The following CATSPERB variants were observed in gnomAD, a reference collection of about 807,000 sequenced individuals.
The protein encoded by CATSPERB is cation channel sperm-associated auxiliary subunit beta.
A neutral mutation model predicts 128.3 loss-of-function variants in CATSPERB; 93 were observed. The ratio of observed to expected loss-of-function variants is 0.72; its 90% CI spans 0.61 to 0.86. CATSPERB has a LOEUF of 0.86. CATSPERB is among the 40% of genes least tolerant of loss of function. CATSPERB has a pLI of 0.00. For synonymous variants in CATSPERB, 381 were observed against 448.8 expected, an observed-to-expected ratio of 0.85 and a Z score of 1.91; for missense variants, 1,153 against 1,329.5, an observed-to-expected ratio of 0.87 and a Z score of 2.06.
At chr14:91,694,915 C>T (rs1289203540) in intron 7 of CATSPERB, among the ~76,000 whole-genome samples, 1 of 152,124 alleles carries the variant, frequency 6.6e-6, no homozygotes, top group Non-Finnish European at 1.5e-5. Flanking sequence ...GGAACCTTGG[C>T]AATCTAACGC....
intron 22 of CATSPERB, among the ~76,000 whole-genome samples, chr14:91,594,314 C>T (rs1458404423): frequency 6.6e-6 from 1 of 151,774 alleles, no homozygotes; most frequent in Non-Finnish European, 1.5e-5. Flanking sequence ...ACATCACACA[C>T]CAGGGACTGT....
chr14:91,670,335 C>T (rs11629313), intron 13 of CATSPERB, among the ~76,000 whole-genome samples: 2,333 of 152,244 alleles, frequency 0.015, 23 homozygotes, highest in Non-Finnish European at 0.022. Flanking sequence ...TTCTATTCAA[C>T]CATTATTTTA....
chr14:91,726,860 T>A (rs1896127494), intron 2 of CATSPERB, among the ~76,000 whole-genome samples: 1 of 152,046 alleles, frequency 6.6e-6, no homozygotes. Context: ...CACTTCTCCC[T>A]CCCTTTCTAC....
intron 7 of CATSPERB, among the ~76,000 whole-genome samples, chr14:91,701,685 G>T (rs990194053): frequency 1.3e-5 from 2 of 152,136 alleles, no homozygotes; most frequent in Non-Finnish European, 2.9e-5. Context: ...ACATGGGGCT[G>T]CTGCATAGCT....
intron 14 of CATSPERB, among the ~76,000 whole-genome samples, chr14:91,661,237 T>A (rs1894875897): frequency 6.6e-6 from 1 of 152,162 alleles, no homozygotes; most frequent in African/African-American, 2.4e-5. Flanking sequence ...TGTTTTTCTA[T>A]AAGTTACATT....
chr14:91,653,511 T>C (rs1894742317), intron 15 of CATSPERB, among the ~76,000 whole-genome samples: 1 of 152,050 alleles, frequency 6.6e-6, no homozygotes, highest in East Asian at 1.9e-4. Flanking sequence ...GACATTTAAT[T>C]AGACTTACAG....
intron 11 of CATSPERB, among the ~76,000 whole-genome samples, chr14:91,677,283 G>A (rs1895206711): frequency 8.0e-6 from 1 of 125,274 alleles, no homozygotes; most frequent in Admixed American, 7.9e-5. Context: ...AGAGGGAACA[G>A]GCAACCTACG....
intron 14 of CATSPERB, among the ~76,000 whole-genome samples, chr14:91,664,690 A>G (rs1425207822): frequency 1.3e-5 from 2 of 152,152 alleles, no homozygotes; most frequent in Non-Finnish European, 2.9e-5. Flanking sequence ...CAACTGGACC[A>G]TTTTGTAAGC....
At chr14:91,605,285 G>C in intron 22 of CATSPERB, 1 of 1,048,362 alleles carries the variant, frequency 9.5e-7, no homozygotes. Flanking sequence ...GTTGGAGCAA[G>C]GCAGGCTTTG....
At chr14:91,649,331 A>ATGTGTG (rs55880138) in intron 15 of CATSPERB, among the ~76,000 whole-genome samples, 3 of 147,456 alleles carry the variant, frequency 2.0e-5, no homozygotes, top group African/African-American at 7.4e-5. Flanking sequence ...GTATACATAT[A>ATGTGTG]TGTGTGTGTG....
At chr14:91,690,117 C>T (rs563623082) in intron 10 of CATSPERB, among the ~76,000 whole-genome samples, 1 of 152,120 alleles carries the variant, frequency 6.6e-6, no homozygotes, top group African/African-American at 2.4e-5. Context: ...CTCAGCCTCC[C>T]GAGTAGCTGG....
chr14:91,658,469 T>C (rs1370142803), intron 15 of CATSPERB, among the ~76,000 whole-genome samples: 1 of 151,738 alleles, frequency 6.6e-6, no homozygotes, highest in Non-Finnish European at 1.5e-5. Context: ...GAATAAGATC[T>C]AGTATTTGAC....
chr14:91,687,010 G>C (rs750782189), intron 10 of CATSPERB, among the ~76,000 whole-genome samples: 1 of 151,828 alleles, frequency 6.6e-6, no homozygotes, highest in Non-Finnish European at 1.5e-5. Flanking sequence ...GATAAGTGAA[G>C]AAAATAATTT....
rs113559339 is a variant in CATSPERB at position 91,693,581 on chromosome 14, A to T, written c.617-102T>A. The T allele has an allele frequency of 1.6e-3, 1,206 of 740,214 alleles. 13 individuals carry two copies. In the African/African-American group the frequency reaches 0.018, roughly 11 times the overall value. 45.9% of individuals were successfully genotyped at this position (740,214 alleles called of 1,614,324 possible). A position where few individuals can be genotyped will look rare whatever the true frequency, so the allele number is the denominator to read the frequency against. On this transcript the variant is annotated intron_variant, in intron 7 of 26. Coordinates refer to ENST00000256343, the MANE Select transcript of CATSPERB (RefSeq NM_024764.4). ...TCCGTTCCAACTCCCTCTCAGCACTATGACTCTCACTTCCCAAAGCATTGG... is the reference window on the plus strand; with the variant it reads ...TCCGTTCCAACTCCCTCTCAGCACTTTGACTCTCACTTCCCAAAGCATTGG...
At chr14:91,679,800 T>C (rs1895249257) in intron 11 of CATSPERB, among the ~76,000 whole-genome samples, 1 of 152,226 alleles carries the variant, frequency 6.6e-6, no homozygotes, top group East Asian at 1.9e-4. Context: ...AATGCAAGTC[T>C]GTAAATCTTT....
At chr14:91,604,344 G>T in intron 22 of CATSPERB, 1 of 794,180 alleles carries the variant, frequency 1.3e-6, no homozygotes, top group Non-Finnish European at 2.2e-6. Flanking sequence ...GAGGAGGGGA[G>T]AGGAAGGATT....
chr14:91,587,382 A>C (rs1893321691), intron 25 of CATSPERB, 106 bp from the exon 26 acceptor site: 1 of 640,254 alleles, frequency 1.6e-6, no homozygotes, highest in Middle Eastern at 3.0e-4. Context: ...ATGCTGCATG[A>C]AAAGATTCCC....
intron 19 of CATSPERB, among the ~76,000 whole-genome samples, chr14:91,618,851 C>T (rs796958307): frequency 5.9e-5 from 9 of 152,160 alleles, no homozygotes; most frequent in African/African-American, 1.9e-4. Flanking sequence ...AGCCTTTACC[C>T]GGAGATTTTG....
intron 20 of CATSPERB, among the ~76,000 whole-genome samples, chr14:91,612,323 T>A (rs190812272): frequency 2.2e-3 from 333 of 152,288 alleles, no homozygotes; most frequent in South Asian, 4.4e-3. Flanking sequence ...AAAATTTTTT[T>A]AAATTTTTAT....
Sources: allele counts gnomAD v4.1 joint callset (sites outside exome capture counted in the v4.1 genomes callset), GRCh38; gene constraint gnomAD v4.1.1; transcripts MANE v1.5; gene names NCBI Gene and HGNC (gene_info 2026-07-23, HGNC 2026-07-21).